The following C15orf39 variants were observed in gnomAD, a reference collection of about 807,000 sequenced individuals.
The protein encoded by C15orf39 is uncharacterized protein C15orf39.
In C15orf39, 24 loss-of-function variants were observed where a neutral mutation model predicts 53.9. The ratio of observed to expected loss-of-function variants is 0.45; its 90% CI spans 0.32 to 0.63. The LOEUF is 0.63. Ranked by LOEUF, C15orf39 falls within the 20% of genes least tolerant of loss-of-function variation. C15orf39 has a pLI of 0.04. For synonymous variants in C15orf39, 569 were observed against 576.5 expected, an observed-to-expected ratio of 0.99 and a Z score of 0.19; for missense variants, 1,271 against 1,347.9, an observed-to-expected ratio of 0.94 and a Z score of 0.89.
upstream of C15orf39, among the ~76,000 whole-genome samples, chr15:75,199,929 T>G (rs750284236): frequency 1.3e-5 from 2 of 152,192 alleles, no homozygotes; most frequent in Non-Finnish European, 2.9e-5. Context: ...GCAGTTATCT[T>G]GTATTGATTG....
At position 75,207,607 on chromosome 15, in the gene C15orf39, C is replaced by T; in HGVS notation, c.1559C>T (p.Ala520Val). Reference sequence around the variant, plus strand: ...TACCGTGACTATCTGGATGTGCCGGCACCCGAGGCCACAACTGAGCCTGAC... The same window carrying T: ...TACCGTGACTATCTGGATGTGCCGGTACCCGAGGCCACAACTGAGCCTGAC... ...APYRDYLDVP[A>V]PEATTEPDSA... The change falls in exon 2 of 3, where the codon GCA becomes GTA. Residue 520 changes from alanine (A) to valine (V), a missense_variant. By Grantham distance (64) the Ala-to-Val change is moderately conservative. This residue lies in a region of C15orf39 where 994 missense variants were observed against 993.7 expected (regional missense o/e 1.00). Transcript: ENST00000394987. The T allele has an allele frequency of 6.2e-7, 1 of 1,613,382 alleles. No individual in the cohort carries two copies. Among genetic ancestry groups the T allele is most frequent in the Non-Finnish European group, 8.5e-7 (1 of 1,179,962 alleles).
chr15:75,207,958 C>T lies in C15orf39; in HGVS notation c.1910C>T (p.Ala637Val). The change falls in exon 2 of 3, where the codon GCC (alanine) becomes GTC (valine). Residue 637 changes from alanine (A) to valine (V), a missense_variant. By Grantham distance (64) the Ala-to-Val change is moderately conservative (BLOSUM62 0). Coordinates refer to ENST00000394987, the MANE Select transcript of C15orf39 (RefSeq NM_015492.5). ...GLPGVPVTTD[A>V]MPRTNFHSSV... Reference sequence around the variant, plus strand: ...CCTGGGGTGCCAGTGACCACAGATGCCATGCCAAGGACCAACTTCCACAGC... The same window carrying T: ...CCTGGGGTGCCAGTGACCACAGATGTCATGCCAAGGACCAACTTCCACAGC... 2 of 1,613,904 alleles carry T rather than the reference C, an allele frequency of 1.2e-6. No individual in the cohort carries two copies. The highest frequency in any genetic ancestry group is 2.2e-5 in the East Asian group (1 of 44,890).
At chr15:75,209,007 T>G in intron 2 of C15orf39, 183 bp downstream of exon 2, 1 of 1,038,264 alleles carries the variant, frequency 9.6e-7, no homozygotes, top group South Asian at 1.7e-5. Flanking sequence ...GTGAGCACCT[T>G]CATAGCCTCT....
intron 1 of C15orf39, among the ~76,000 whole-genome samples, chr15:75,204,434 A>T (rs1595954060): frequency 6.6e-6 from 1 of 151,558 alleles, no homozygotes; most frequent in Admixed American, 6.6e-5. Context: ...GCTAAGTAGC[A>T]CTCTGGCCCC....
Position 75,210,939 on chromosome 15 carries a change from T to G in C15orf39, c.2967T>G (p.Pro989=). Residue 989 remains proline (P), a synonymous_variant, in exon 3 of 3, where the codon CCT becomes CCG. Coordinates refer to ENST00000394987, the MANE Select transcript of C15orf39 (RefSeq NM_015492.5). ...AAGEESCGAS[P]TPATSASPPG... ...GGGAAGAGTCCTGTGGTGCCTCCCC[T>G]ACCCCTGCTACCAGTGCCAGCCCAC... The G allele has an allele frequency of 6.2e-7, 1 of 1,613,324 alleles. No homozygotes were observed. The highest frequency in any genetic ancestry group is 8.5e-7 in the Non-Finnish European group (1 of 1,179,964).
At chr15:75,202,771 CG>C (rs1429415232) in intron 1 of C15orf39, among the ~76,000 whole-genome samples, 5 of 152,140 alleles carry the variant, frequency 3.3e-5, no homozygotes, top group African/African-American at 1.2e-4. Context: ...GGGCCATGCA[CG>C]TACGTGCAGG....
In C15orf39 at chr15:75,210,960, C is replaced by G; in HGVS notation, c.2988C>G (p.Ser996Arg). Residue 996 changes from serine (S) to arginine (R), a missense_variant, in exon 3 of 3, where the codon AGC (serine) becomes AGG (arginine). Ser to Arg is a moderately radical substitution (Grantham distance 110). Around this residue, in one of 2 missense-constraint regions of C15orf39, gnomAD observed 277 missense variants for 354.1 expected, o/e 0.78. Transcript: ENST00000394987. ...CCCCTACCCCTGCTACCAGTGCCAGCCCACCTGGCCCCACACTGAAGGCCC... is the reference window on the plus strand; with the variant it reads ...CCCCTACCCCTGCTACCAGTGCCAGGCCACCTGGCCCCACACTGAAGGCCC... The part of the protein sequence containing the change: ...GASPTPATSA[S>R]PPGPTLKARF... 1 of 1,613,322 alleles carries G rather than the reference C, an allele frequency of 6.2e-7. No individual in the cohort carries two copies. The highest frequency in any genetic ancestry group is 8.5e-7 in the Non-Finnish European group (1 of 1,179,998).
chr15:75,202,880 C>T (rs1485983881), intron 1 of C15orf39, among the ~76,000 whole-genome samples: 1 of 152,240 alleles, frequency 6.6e-6, no homozygotes, highest in Non-Finnish European at 1.5e-5. Flanking sequence ...CCCGGAAGCC[C>T]GCCAGGTCGG....
At position 75,207,977 on chromosome 15, in the gene C15orf39, C is replaced by G. The variant is rs778371779; in HGVS notation, c.1929C>G (p.Phe643Leu). Residue 643 changes from phenylalanine to leucine, a missense_variant, in exon 2 of 3, where the codon TTC (phenylalanine) becomes TTG (leucine). Around this residue, in one of 2 missense-constraint regions of C15orf39, gnomAD observed 994 missense variants for 993.7 expected, o/e 1.00. Coordinates refer to ENST00000394987, the MANE Select transcript of C15orf39 (RefSeq NM_015492.5). The stretch of plus-strand genomic sequence containing the variant: ...CAGATGCCATGCCAAGGACCAACTT[C>G]CACAGCTCTGTGGCCTTCATGTTCC... ...VTTDAMPRTN[F>L]HSSVAFMFRK... The G allele has an allele frequency of 6.2e-7, 1 of 1,613,990 alleles. No individual in the cohort carries two copies. Among genetic ancestry groups the G allele is most frequent in the South Asian group, 1.1e-5 (1 of 91,092 alleles).
Position 75,207,435 on chromosome 15 carries a change from G to A in C15orf39, c.1387G>A (p.Val463Ile), listed in dbSNP as rs141245544. 56 of 1,613,548 alleles carry A rather than the reference G, an allele frequency of 3.5e-5. No homozygotes were observed. The highest frequency in any genetic ancestry group is 3.0e-4 in the Admixed American group (18 of 60,024). ...CAGTGAGCACTCTGGGCCGCCCATC[G>A]TCATCCGAGACAGTCCAGTTCCCTG... ...RLSEHSGPPI[V>I]IRDSPVPCTP... The change falls in exon 2 of 3, where the codon GTC becomes ATC. Residue 463 changes from valine (V) to isoleucine (I), a missense_variant. By Grantham distance (29) the Val-to-Ile change is conservative. This residue lies in a region of C15orf39 where 994 missense variants were observed against 993.7 expected (regional missense o/e 1.00). Coordinates refer to ENST00000394987, the MANE Select transcript of C15orf39 (RefSeq NM_015492.5).
chr15:75,206,115 A>G lies in C15orf39; in HGVS notation c.67A>G (p.Thr23Ala), dbSNP rs765162473. 2.5e-6 allele frequency: 4 copies of G among 1,613,440 alleles called. No individual in the cohort carries two copies. The highest frequency in any genetic ancestry group is 1.7e-4 in the Middle Eastern group (1 of 6,058). Residue 23 changes from threonine (T) to alanine (A), a missense_variant, in exon 2 of 3, where the codon ACA (threonine) becomes GCA (alanine). Physicochemically the swap from Thr to Ala is moderately conservative, Grantham distance 58. Coordinates refer to ENST00000394987, the MANE Select transcript of C15orf39 (RefSeq NM_015492.5). ...GTATGGCAAGCTGCCCCGCTTAGAG[A>G]CAGACTCCGGGCTCGAGCACAGCCT... Reference protein sequence around the residue: ...VMYGKLPRLETDSGLEHSLPH... With the variant: ...VMYGKLPRLEADSGLEHSLPH...
chr15:75,208,793 G>T lies in C15orf39; in HGVS notation c.2745G>T (p.Leu915=). ...ACATTTACCCCGACCTTCTCGGCCT[G>T]CAGTGGCGCGACTGTGTACGCCGCC... The part of the protein sequence containing the change: ...LPDIYPDLLG[L]QWRDCVRRQL... The change falls in exon 2 of 3, where the codon CTG becomes CTT. Residue 915 remains leucine (L), a synonymous_variant. Coordinates refer to ENST00000394987, the MANE Select transcript of C15orf39 (RefSeq NM_015492.5). 1 of 1,606,204 alleles carries T rather than the reference G, an allele frequency of 6.2e-7. No homozygotes were observed. The highest frequency in any genetic ancestry group is 1.3e-5 in the African/African-American group (1 of 75,026).
intron 1 of C15orf39, among the ~76,000 whole-genome samples, chr15:75,204,437 C>G (rs1424206489): frequency 6.6e-6 from 1 of 152,256 alleles, no homozygotes; most frequent in Non-Finnish European, 1.5e-5. Context: ...AAGTAGCACT[C>G]TGGCCCCTGG....
chr15:75,208,422 G>T lies in C15orf39; in HGVS notation c.2374G>T (p.Glu792Ter). The T allele has an allele frequency of 6.2e-7, 1 of 1,606,152 alleles. No individual in the cohort carries two copies. The highest frequency in any genetic ancestry group is 8.5e-7 in the Non-Finnish European group (1 of 1,178,516). Residue 792 changes from glutamate to a stop codon, truncating the protein, a stop_gained, in exon 2 of 3, where the codon GAG (glutamate) becomes TAG (stop). Transcript: ENST00000394987. LOFTEE classifies it high-confidence loss of function. ...CCACTCTCCTCCAGAGAAGCTTCGC[G>T]AGTGGCTAGAGACGGCTGGGCCCTG... ...VAHSPPEKLR[E>*]WLETAGPWGQ... is the part of the protein sequence containing the mutation.
rs192815457 is a variant in C15orf39, at chr15:75,207,988, T to C, written c.1940T>C (p.Val647Ala). Residue 647 changes from valine (V) to alanine (A), a missense_variant, in exon 2 of 3, where the codon GTG becomes GCG. Physicochemically the swap from Val to Ala is moderately conservative, Grantham distance 64. Transcript: ENST00000394987. ...AMPRTNFHSS[V>A]AFMFRKFKIL... ...CCAAGGACCAACTTCCACAGCTCTG[T>C]GGCCTTCATGTTCCGAAAGTTCAAG... 192 of 1,614,012 alleles carry C rather than the reference T, an allele frequency of 1.2e-4. No homozygotes were observed. The highest frequency in any genetic ancestry group is 4.2e-4 in the Admixed American group (25 of 60,030).
chr15:75,206,460 C>T lies in C15orf39; in HGVS notation c.412C>T (p.Leu138=). 2 of 1,614,092 alleles carry T rather than the reference C, an allele frequency of 1.2e-6. No homozygotes were observed. Among genetic ancestry groups the T allele is most frequent in the South Asian group, 1.1e-5 (1 of 91,078 alleles). Residue 138 remains leucine, a synonymous_variant, in exon 2 of 3, where the codon CTG becomes TTG. Transcript: ENST00000394987. ...AAPKPVYRNP[L]CYGLSTCLGE... The stretch of plus-strand genomic sequence containing the variant: ...ACCCAAACCTGTCTACCGCAACCCT[C>T]TGTGCTATGGGCTCTCAACTTGTCT...
At position 75,204,840 on chromosome 15, in the gene C15orf39, C is replaced by T. The variant is rs545517551; in HGVS notation, c.-50-1159C>T. ...CCTGGACTTTCACACACGCCCCTGA[C>T]GCTGTCTTGGCCCCACCCTGCCATG... is the stretch of plus-strand genomic sequence containing the variant. On this transcript the variant is annotated intron_variant, in intron 1 of 2. Coordinates refer to ENST00000394987, the MANE Select transcript of C15orf39 (RefSeq NM_015492.5). 4.6e-5 allele frequency among the ~76,000 whole-genome samples: 7 copies of T among 152,292 alleles called. No individual in the cohort carries two copies. The East Asian group carries it at 9.7e-4, about 21-fold the overall frequency.
chr15:75,207,276 C>G lies in C15orf39; in HGVS notation c.1228C>G (p.Pro410Ala), dbSNP rs1416212931. The G allele has an allele frequency of 6.2e-7, 1 of 1,613,552 alleles. No homozygotes were observed. The highest frequency in any genetic ancestry group is 8.5e-7 in the Non-Finnish European group (1 of 1,179,972). Reference protein sequence around the residue: ...SQNNVRAVPQPGAFQRACQPL... With the variant: ...SQNNVRAVPQAGAFQRACQPL... ...GAACAATGTGCGGGCTGTGCCACAG[C>G]CTGGTGCCTTCCAGAGGGCATGCCA... Residue 410 changes from proline to alanine, a missense_variant, in exon 2 of 3, where the codon CCT becomes GCT. By Grantham distance (27) the Pro-to-Ala change is conservative. Coordinates refer to ENST00000394987, the MANE Select transcript of C15orf39 (RefSeq NM_015492.5).
Position 75,211,995 on chromosome 15 carries a change from A to AG in C15orf39, c.*881dup, listed in dbSNP as rs1169968888. ...AGAAGGTCTCTGAAGATCTGGACTG[A>AG]GGACCCTGCTGCTCCCCAAGCCAGA... On this transcript the variant is annotated 3_prime_UTR_variant, in exon 3 of 3. Coordinates refer to ENST00000394987, the MANE Select transcript of C15orf39 (RefSeq NM_015492.5). 1 of 152,208 alleles carries AG rather than the reference A, an allele frequency of 6.6e-6. No individual in the cohort carries two copies. The highest frequency in any genetic ancestry group is 1.5e-5 in the Non-Finnish European group (1 of 68,058). 9.4% of individuals were successfully genotyped at this position (152,208 alleles called of 1,614,324 possible). A position where few individuals can be genotyped will look rare whatever the true frequency, so the allele number is the denominator to read the frequency against.
Sources: allele counts gnomAD v4.1 joint callset (sites outside exome capture counted in the v4.1 genomes callset), GRCh38; gene constraint gnomAD v4.1.1; regional missense constraint gnomAD v4.1.1; transcripts MANE v1.5; gene names NCBI Gene and HGNC (gene_info 2026-07-23, HGNC 2026-07-21).